The following LUZP2 variants were observed in gnomAD, a reference collection of about 807,000 sequenced individuals.
The protein encoded by LUZP2 is leucine zipper protein 2.
LUZP2 carries 52 observed loss-of-function variants against 51.6 expected under a neutral mutation model. The ratio of observed to expected loss-of-function variants is 1.01; its 90% CI spans 0.81 to 1.27. LUZP2 has a LOEUF of 1.27. Among genes scored for constraint, LUZP2 ranks in the 50% most tolerant of loss-of-function variants. LUZP2 has a pLI of 0.00. For synonymous variants in LUZP2, 154 were observed against 137.3 expected (o/e 1.12, Z -0.85); for missense variants, 436 against 395.4 (o/e 1.10, Z -0.87).
intron 11 of LUZP2, among the ~76,000 whole-genome samples, chr11:25,077,637 C>T (rs1324399608): frequency 1.3e-5 from 2 of 151,366 alleles, no homozygotes; most frequent in African/African-American, 2.4e-5. Context: ...GTAGCTGGGA[C>T]TACAGGCGCC....
At chr11:24,652,179 T>G (rs1855648495) in intron 1 of LUZP2, among the ~76,000 whole-genome samples, 1 of 151,984 alleles carries the variant, frequency 6.6e-6, no homozygotes, top group Non-Finnish European at 1.5e-5. Flanking sequence ...GCTAATAGAG[T>G]ACTTTACCTG....
chr11:24,550,619 G>A (rs1385803512), intron 1 of LUZP2, among the ~76,000 whole-genome samples: 3 of 152,032 alleles, frequency 2.0e-5, no homozygotes, highest in Non-Finnish European at 4.4e-5. Flanking sequence ...GTTAAAACAG[G>A]TCACCACTGT....
At chr11:24,966,432 A>T (rs952032479) in intron 7 of LUZP2, among the ~76,000 whole-genome samples, 1 of 150,246 alleles carries the variant, frequency 6.7e-6, no homozygotes. Flanking sequence ...CATTTTTCTA[A>T]TGTTTGGGGT....
chr11:25,062,445 C>A (rs1858867408), intron 10 of LUZP2, among the ~76,000 whole-genome samples: 1 of 111,212 alleles, frequency 9.0e-6, no homozygotes, highest in Non-Finnish European at 2.1e-5. Context: ...ATATATATAT[C>A]TGCATGTGGT....
At chr11:24,921,894 T>C (rs1854072154) in intron 7 of LUZP2, among the ~76,000 whole-genome samples, 1 of 152,140 alleles carries the variant, frequency 6.6e-6, no homozygotes, top group African/African-American at 2.4e-5. Context: ...GTCACTTCAT[T>C]TGACCCTCAA....
intron 5 of LUZP2, among the ~76,000 whole-genome samples, chr11:24,800,562 A>T (rs1217952234): frequency 1.3e-5 from 2 of 151,800 alleles, no homozygotes. Flanking sequence ...AATACAAAAA[A>T]ACAAAAAAAC....
intron 1 of LUZP2, among the ~76,000 whole-genome samples, chr11:24,662,934 T>C (rs981781731): frequency 6.6e-6 from 1 of 151,864 alleles, no homozygotes; most frequent in Admixed American, 6.6e-5. Context: ...TTTAAATAAA[T>C]ACAAAAAATT....
At chr11:24,934,659 T>C (rs1854542806) in intron 7 of LUZP2, among the ~76,000 whole-genome samples, 1 of 152,218 alleles carries the variant, frequency 6.6e-6, no homozygotes, top group African/African-American at 2.4e-5. Flanking sequence ...TAAAATGTTA[T>C]ATGTCAGGAC....
intron 1 of LUZP2, among the ~76,000 whole-genome samples, chr11:24,535,882 G>C (rs1345128445): frequency 6.6e-6 from 1 of 151,606 alleles, no homozygotes; most frequent in Non-Finnish European, 1.5e-5. Flanking sequence ...CACTGTCTAT[G>C]GCAATTATAG....
chr11:24,503,101 G>T (rs1383141893), intron 1 of LUZP2, among the ~76,000 whole-genome samples: 2 of 152,128 alleles, frequency 1.3e-5, no homozygotes, highest in Non-Finnish European at 2.9e-5. Flanking sequence ...TTTTGAAAAT[G>T]ACCATATGAA....
chr11:24,664,527 A>T (rs1365146803), intron 1 of LUZP2, among the ~76,000 whole-genome samples: 1 of 152,090 alleles, frequency 6.6e-6, no homozygotes, highest in Non-Finnish European at 1.5e-5. Context: ...CCTTCATGGC[A>T]GCACCCTCCT....
intron 5 of LUZP2, among the ~76,000 whole-genome samples, chr11:24,898,268 A>T (rs994655036): frequency 6.6e-6 from 1 of 152,028 alleles, no homozygotes; most frequent in Non-Finnish European, 1.5e-5. Context: ...TCAGGTAAGT[A>T]TGTCAGATCC....
chr11:24,840,633 G>A (rs1850999193), intron 5 of LUZP2, among the ~76,000 whole-genome samples: 1 of 151,906 alleles, frequency 6.6e-6, no homozygotes, highest in Non-Finnish European at 1.5e-5. Context: ...GGAATATCTG[G>A]AGATGGGGGC....
intron 5 of LUZP2, among the ~76,000 whole-genome samples, chr11:24,841,874 C>T (rs1443264487): frequency 1.3e-5 from 2 of 152,094 alleles, no homozygotes; most frequent in Middle Eastern, 3.4e-3. Flanking sequence ...TCTGCAGTGT[C>T]TCTGGATTAC....
At chr11:24,797,660 A>G (rs555427215) in intron 5 of LUZP2, among the ~76,000 whole-genome samples, 2 of 152,300 alleles carry the variant, frequency 1.3e-5, no homozygotes, top group South Asian at 4.1e-4. Flanking sequence ...CCATCTATTC[A>G]TACAGGATAA....
chr11:24,921,810 G>A (rs1386193347), intron 7 of LUZP2, among the ~76,000 whole-genome samples: 1 of 152,028 alleles, frequency 6.6e-6, no homozygotes, highest in East Asian at 1.9e-4. Flanking sequence ...TGGAGTTCCT[G>A]GAATCAATTC....
chr11:24,901,749 C>T (rs1024678658), intron 5 of LUZP2, among the ~76,000 whole-genome samples: 1 of 152,232 alleles, frequency 6.6e-6, no homozygotes, highest in Non-Finnish European at 1.5e-5. Flanking sequence ...TCCCTCTACC[C>T]GTGATAGCTC....
chr11:24,547,088 A>C (rs1851575255), intron 1 of LUZP2, among the ~76,000 whole-genome samples: 1 of 151,820 alleles, frequency 6.6e-6, no homozygotes, highest in African/African-American at 2.4e-5. Context: ...TTCAGTCTTC[A>C]GAGGGTGTAT....
intron 9 of LUZP2, among the ~76,000 whole-genome samples, chr11:25,006,429 C>G (rs1381347641): frequency 1.3e-5 from 2 of 152,176 alleles, no homozygotes; most frequent in Non-Finnish European, 2.9e-5. Flanking sequence ...AATGGCTTTC[C>G]TCTCTGTCAG....
Sources: gnomAD v4.1 joint callset for allele counts (sites outside exome capture counted in the v4.1 genomes callset) on GRCh38, gnomAD v4.1.1 for gene constraint, MANE v1.5 for transcripts, NCBI Gene and HGNC (gene_info 2026-07-23, HGNC 2026-07-21) for gene names.